The following MCU variants were observed in gnomAD, a reference collection of about 807,000 sequenced individuals.
MCU encodes calcium uniporter protein, mitochondrial.
MCU carries 12 observed loss-of-function variants against 45.2 expected under a neutral mutation model. The observed-to-expected ratio is 0.27, with a 90% CI of 0.17 to 0.43. The LOEUF is 0.43. Among genes scored for constraint, MCU ranks in the 20% least tolerant of loss-of-function variants. MCU has a pLI of 1.00. For missense variants in MCU, 324 were observed against 436.7 expected, an observed-to-expected ratio of 0.74 and a Z score of 2.30; for synonymous variants, 160 against 165.1, an observed-to-expected ratio of 0.97 and a Z score of 0.24.
At chr10:72,864,400 A>G (rs754225987) in intron 4 of MCU, among the ~76,000 whole-genome samples, 1 of 152,238 alleles carries the variant, frequency 6.6e-6, no homozygotes, top group Non-Finnish European at 1.5e-5. Flanking sequence ...ATTGCTTGAT[A>G]CGTACCGTAG....
intron 5 of MCU, 73 bp downstream of exon 5, chr10:72,868,936 T>C (rs1845499673): frequency 6.8e-7 from 1 of 1,479,820 alleles, no homozygotes; most frequent in African/African-American, 1.4e-5. Context: ...CTGTTTTTTC[T>C]TGTAAGTTTT....
intron 1 of MCU, among the ~76,000 whole-genome samples, chr10:72,740,882 A>G (rs920863479): frequency 6.6e-6 from 1 of 152,208 alleles, no homozygotes; most frequent in African/African-American, 2.4e-5. Context: ...CTCATAGGCA[A>G]AGACTTCTTG....
intron 1 of MCU, among the ~76,000 whole-genome samples, chr10:72,741,098 C>CTT (rs11310286): frequency 1.0e-4 from 13 of 124,680 alleles, no homozygotes; most frequent in East Asian, 6.4e-4. Flanking sequence ...TTTTCTTTTT[C>CTT]TTTTTTTTTT....
intron 1 of MCU, among the ~76,000 whole-genome samples, chr10:72,780,969 C>T (rs988791313): frequency 2.6e-5 from 4 of 152,058 alleles, no homozygotes; most frequent in Non-Finnish European, 5.9e-5. Context: ...GTCTGACTGA[C>T]ATATAGAGAA....
At chr10:72,837,629 T>G (rs1186383379) in intron 2 of MCU, among the ~76,000 whole-genome samples, 2 of 152,198 alleles carry the variant, frequency 1.3e-5, no homozygotes, top group African/African-American at 2.4e-5. Flanking sequence ...GGTCTTAGAC[T>G]TCTCATTTTA....
Position 72,692,292 on chromosome 10 carries a change from C to T in MCU, c.141C>T (p.His47=). The T allele has an allele frequency of 8.2e-7, 1 of 1,222,254 alleles. No homozygotes were observed. Among genetic ancestry groups the T allele is most frequent in the Non-Finnish European group, 1.0e-6 (1 of 980,436 alleles). 75.7% of individuals were successfully genotyped at this position (1,222,254 alleles called of 1,614,324 possible). ...TCAGCCGCCACCGGCAGCAGCAGCA[C>T]CACCGGACGGTGAGCGAGCGCGCCC... ...LGVSRHRQQQ[H]HRTVHQRIAS... Residue 47 remains histidine (H), a synonymous_variant, in exon 1 of 8, where the codon CAC becomes CAT. Transcript: ENST00000373053.
chr10:72,864,172 C>A (rs1831378214), intron 4 of MCU, among the ~76,000 whole-genome samples: 1 of 152,072 alleles, frequency 6.6e-6, no homozygotes, highest in Admixed American at 6.5e-5. Context: ...ATATCACATA[C>A]CACACAGTTT....
intron 2 of MCU, among the ~76,000 whole-genome samples, chr10:72,842,522 T>G (rs565079141): frequency 2.0e-5 from 3 of 152,338 alleles, no homozygotes; most frequent in Admixed American, 1.3e-4. Flanking sequence ...CACAACCTTT[T>G]GGATATCAAA....
intron 6 of MCU, among the ~76,000 whole-genome samples, chr10:72,876,928 T>TG (rs1845624837): frequency 1.3e-5 from 2 of 150,932 alleles, no homozygotes; most frequent in South Asian, 2.1e-4. Context: ...ACAGTTTTTT[T>TG]TTTTTTTTTT....
At chr10:72,848,085 C>T (rs1395671429) in intron 2 of MCU, among the ~76,000 whole-genome samples, 1 of 152,168 alleles carries the variant, frequency 6.6e-6, no homozygotes, top group Non-Finnish European at 1.5e-5. Flanking sequence ...GGTGACACTA[C>T]ACAGGGCATG....
At chr10:72,812,866 C>T (rs1434780773) in intron 1 of MCU, among the ~76,000 whole-genome samples, 1 of 152,108 alleles carries the variant, frequency 6.6e-6, no homozygotes, top group Non-Finnish European at 1.5e-5. Flanking sequence ...GTATCCAGCC[C>T]TGAGTAAATT....
intron 1 of MCU, among the ~76,000 whole-genome samples, chr10:72,816,726 C>G (rs999155382): frequency 6.6e-6 from 1 of 152,174 alleles, no homozygotes; most frequent in African/African-American, 2.4e-5. Context: ...GAGCTGCACT[C>G]CAGCCTGAGT....
chr10:72,694,130 G>T (rs1422238339), intron 1 of MCU, among the ~76,000 whole-genome samples: 1 of 152,178 alleles, frequency 6.6e-6, no homozygotes, highest in Non-Finnish European at 1.5e-5. Context: ...TAAAGGGCAG[G>T]AATGTTATGG....
intron 1 of MCU, among the ~76,000 whole-genome samples, chr10:72,759,277 C>T (rs1418261860): frequency 4.6e-5 from 7 of 152,056 alleles, no homozygotes; most frequent in Non-Finnish European, 7.4e-5. Flanking sequence ...ATTGAGCAAG[C>T]AGGGGGTACA....
chr10:72,767,035 A>C (rs1843737266), intron 1 of MCU: 1 of 152,164 alleles, frequency 6.6e-6, no homozygotes, highest in African/African-American at 2.4e-5. Context: ...AATATAGAAC[A>C]TTTTTATCAT....
intron 1 of MCU, among the ~76,000 whole-genome samples, chr10:72,728,340 A>C (rs1180284066): frequency 2.0e-5 from 3 of 152,226 alleles, no homozygotes; most frequent in Non-Finnish European, 4.4e-5. Flanking sequence ...GAAATTCGCC[A>C]AACGAGAAAG....
At chr10:72,817,482 G>A (rs925511927) in intron 1 of MCU, among the ~76,000 whole-genome samples, 3 of 152,138 alleles carry the variant, frequency 2.0e-5, no homozygotes, top group South Asian at 2.1e-4. Context: ...TTTGCTTGCC[G>A]TGACCACTGT....
chr10:72,810,550 C>T (rs1844526432), intron 1 of MCU, among the ~76,000 whole-genome samples: 1 of 149,938 alleles, frequency 6.7e-6, no homozygotes, highest in African/African-American at 2.5e-5. Flanking sequence ...TCACTGCAAC[C>T]TCTGCCTCCC....
At chr10:72,701,043 G>A (rs1437038088) in intron 1 of MCU, among the ~76,000 whole-genome samples, 1 of 152,110 alleles carries the variant, frequency 6.6e-6, no homozygotes, top group East Asian at 1.9e-4. Context: ...GCTGAGACAC[G>A]CCTACTTTGT....
Sources: allele counts gnomAD v4.1 joint callset (sites outside exome capture counted in the v4.1 genomes callset), GRCh38; gene constraint gnomAD v4.1.1; transcripts MANE v1.5; gene names NCBI Gene and HGNC (gene_info 2026-07-23, HGNC 2026-07-21).